The following AOAH variants were observed in gnomAD, a reference collection of about 807,000 sequenced individuals.
AOAH encodes acyloxyacyl hydrolase (neutrophil).
In AOAH, 64 loss-of-function variants were observed where a neutral mutation model predicts 92.2. The observed-to-expected ratio is 0.69, with a 90% confidence interval of 0.57 to 0.86. AOAH has a LOEUF of 0.86. AOAH is among the 40% of genes least tolerant of loss of function. AOAH has a pLI of 0.00. For missense variants in AOAH, 656 were observed against 694.6 expected (o/e 0.94, Z 0.62); for synonymous variants, 263 against 254.5 (o/e 1.03, Z -0.32).
intron 19 of AOAH, among the ~76,000 whole-genome samples, chr7:36,523,230 A>C (rs10247795): frequency 0.94 from 142,781 of 152,270 alleles, 67,599 homozygotes; most frequent in East Asian, 1. Flanking sequence ...TGCCCCTGAG[A>C]CACAGCATCA....
chr7:36,530,378 T>C, intron 19 of AOAH, 40 bp downstream of exon 19: 1 of 1,446,584 alleles, frequency 6.9e-7, no homozygotes, highest in Non-Finnish European at 9.7e-7. Context: ...AACTAGCTGC[T>C]GCTTTCATCT....
At chr7:36,709,737 G>T (rs1247771939) in intron 1 of AOAH, among the ~76,000 whole-genome samples, 1 of 151,536 alleles carries the variant, frequency 6.6e-6, no homozygotes, top group Admixed American at 6.6e-5. Flanking sequence ...TCCTAACATT[G>T]AAAAACAACT....
At chr7:36,720,759 A>G (rs1322450478) in intron 1 of AOAH, among the ~76,000 whole-genome samples, 1 of 151,976 alleles carries the variant, frequency 6.6e-6, no homozygotes, top group African/African-American at 2.4e-5. Context: ...GAAGACAGAC[A>G]TTCTAAAAAT....
intron 12 of AOAH, among the ~76,000 whole-genome samples, chr7:36,577,865 A>C (rs1233137172): frequency 6.6e-6 from 1 of 152,232 alleles, no homozygotes; most frequent in East Asian, 1.9e-4. Flanking sequence ...ATAAGTTCAC[A>C]TCTCACAACC....
intron 2 of AOAH, among the ~76,000 whole-genome samples, chr7:36,676,381 AT>A (rs1463437838): frequency 6.6e-6 from 1 of 152,210 alleles, no homozygotes; most frequent in Non-Finnish European, 1.5e-5. Flanking sequence ...AAAGAACTAA[AT>A]TCTTAGGAAC....
chr7:36,545,617 T>C (rs1051902129), intron 15 of AOAH, among the ~76,000 whole-genome samples: 2 of 152,150 alleles, frequency 1.3e-5, no homozygotes, highest in Non-Finnish European at 2.9e-5. Flanking sequence ...TGGTTCTGGC[T>C]CTCTCCATAA....
chr7:36,623,217 C>T lies in AOAH; in HGVS notation c.555G>A (p.Val185=). Reference sequence around the variant, plus strand: ...GGAAAACGCTGTATTTGTCTGAATCCACATCTTTGAATGGCACAGACTGTT... The same window carrying T: ...GGAAAACGCTGTATTTGTCTGAATCTACATCTTTGAATGGCACAGACTGTT... The part of the protein sequence containing the change: ...AMEQSVPFKD[V]DSDKYSVFPT... The change falls in exon 7 of 21, where the codon GTG becomes GTA. Residue 185 remains valine, a synonymous_variant. Coordinates refer to ENST00000617537, the MANE Select transcript of AOAH (RefSeq NM_001637.4). 2 of 1,614,000 alleles carry T rather than the reference C, an allele frequency of 1.2e-6. No individual in the cohort carries two copies. The highest frequency in any genetic ancestry group is 8.5e-7 in the Non-Finnish European group (1 of 1,179,962).
At chr7:36,703,235 C>G (rs367559007) in intron 1 of AOAH, among the ~76,000 whole-genome samples, 2 of 152,068 alleles carry the variant, frequency 1.3e-5, no homozygotes, top group East Asian at 3.9e-4. Flanking sequence ...CAACGTTTGC[C>G]AAACTCCTCT....
chr7:36,621,680 T>A (rs531394483), intron 8 of AOAH, 30 bp downstream of exon 8: 3 of 1,610,096 alleles, frequency 1.9e-6, no homozygotes, highest in Non-Finnish European at 2.6e-6. Flanking sequence ...AAGATAATTT[T>A]AAAAATCAGC....
At chr7:36,664,679 C>A (rs1271606593) in intron 3 of AOAH, among the ~76,000 whole-genome samples, 1 of 152,108 alleles carries the variant, frequency 6.6e-6, no homozygotes, top group Non-Finnish European at 1.5e-5. Flanking sequence ...ATTGATATTG[C>A]ATTGAATCTA....
intron 1 of AOAH, among the ~76,000 whole-genome samples, chr7:36,717,747 A>C (rs1174459226): frequency 2.3e-5 from 1 of 43,972 alleles, no homozygotes; most frequent in African/African-American, 7.5e-5. Flanking sequence ...TTTTTTGCTT[A>C]GCCTAGTTTA....
At chr7:36,650,928 G>A (rs566267295) in intron 4 of AOAH, among the ~76,000 whole-genome samples, 1 of 152,196 alleles carries the variant, frequency 6.6e-6, no homozygotes, top group Non-Finnish European at 1.5e-5. Flanking sequence ...GGTTGGTCAG[G>A]GAGGGTCTTC....
At chr7:36,587,053 C>G (rs1789382197) in intron 12 of AOAH, among the ~76,000 whole-genome samples, 1 of 151,930 alleles carries the variant, frequency 6.6e-6, no homozygotes, top group African/African-American at 2.4e-5. Flanking sequence ...GGGTGGATTG[C>G]CTGAGCTCAG....
chr7:36,519,773 A>G (rs1784017270), intron 20 of AOAH, among the ~76,000 whole-genome samples: 2 of 152,018 alleles, frequency 1.3e-5, no homozygotes, highest in Non-Finnish European at 2.9e-5. Context: ...CCACCCCATA[A>G]TGCTCTGTGG....
At position 36,545,122 on chromosome 7, in the gene AOAH, GCTCACTGC is replaced by G. The variant is rs143278049; in HGVS notation, c.1133+3482_1133+3489del. ...GCTGGAGGGCAGTGGTATGATCACA[GCTCACTGC>G]AGGGTTGAACTCCTGGGCTCAAGCT... On this transcript the variant is annotated intron_variant, in intron 15 of 20. Coordinates refer to ENST00000617537, the MANE Select transcript of AOAH (RefSeq NM_001637.4). Among the ~76,000 whole-genome samples, 370 of 151,978 alleles carry G rather than the reference GCTCACTGC, an allele frequency of 2.4e-3. 9 individuals carry two copies. In the East Asian group the frequency reaches 0.068, roughly 28 times the overall value.
chr7:36,515,398 CCACA>C (rs1562851116), intron 20 of AOAH, among the ~76,000 whole-genome samples: 1 of 124,510 alleles, frequency 8.0e-6, no homozygotes, highest in African/African-American at 3.1e-5. Context: ...CAACCCCACA[CCACA>C]CACACAAACA....
intron 11 of AOAH, among the ~76,000 whole-genome samples, chr7:36,609,201 A>G (rs1053736022): frequency 2.0e-5 from 3 of 152,126 alleles, no homozygotes; most frequent in African/African-American, 7.2e-5. Flanking sequence ...GAGTTTGTTC[A>G]TCTTGTTTCT....
chr7:36,697,337 T>A (rs1797786670), intron 1 of AOAH, among the ~76,000 whole-genome samples: 1 of 152,226 alleles, frequency 6.6e-6, no homozygotes, highest in African/African-American at 2.4e-5. Flanking sequence ...ATTTGGTGCA[T>A]TCCATTAATT....
chr7:36,715,014 A>G (rs1045436219), intron 1 of AOAH, among the ~76,000 whole-genome samples: 10 of 152,170 alleles, frequency 6.6e-5, no homozygotes, highest in African/African-American at 2.4e-4. Context: ...AGGGCATTCA[A>G]TTAGGAAAAG....
Sources: gnomAD v4.1 joint callset for allele counts (sites outside exome capture counted in the v4.1 genomes callset) on GRCh38, gnomAD v4.1.1 for gene constraint, MANE v1.5 for transcripts, NCBI Gene and HGNC (gene_info 2026-07-23, HGNC 2026-07-21) for gene names.